Variants in NEGR1 observed in about 807,000 individuals in gnomAD.
NEGR1 encodes the protein IgLON family member 4.
Under a neutral mutation model 40.9 loss-of-function variants are expected in NEGR1, and 10 were observed. The observed-to-expected ratio is 0.24, with a 90% CI of 0.15 to 0.42. The LOEUF (loss-of-function observed/expected upper bound fraction) is 0.42. NEGR1 is among the 10% of genes least tolerant of loss of function. The probability of loss-of-function intolerance (pLI) is 1.00; values close to 1 mark genes in which losing one functional copy is unlikely to be tolerated. For synonymous variants in NEGR1, 185 were observed against 166.8 expected, an observed-to-expected ratio of 1.11 and a Z score of -0.84; for missense variants, 352 against 438.9, an observed-to-expected ratio of 0.80 and a Z score of 1.77.
intron 4 of NEGR1, among the ~76,000 whole-genome samples, chr1:71,644,702 G>T (rs944851189): frequency 2.6e-5 from 4 of 151,968 alleles, no homozygotes; most frequent in Admixed American, 6.6e-5. Flanking sequence ...CTACGGTAAG[G>T]ATTAAATAGG....
At chr1:71,709,390 T>A (rs1654006702) in intron 3 of NEGR1, among the ~76,000 whole-genome samples, 1 of 152,242 alleles carries the variant, frequency 6.6e-6, no homozygotes, top group Non-Finnish European at 1.5e-5. Flanking sequence ...TTTGCATTTA[T>A]CTAATGATTA....
chr1:71,975,843 A>G (rs546252921), intron 1 of NEGR1, among the ~76,000 whole-genome samples: 15 of 152,342 alleles, frequency 9.8e-5, no homozygotes, highest in Admixed American at 9.8e-4. Context: ...ACTTTTAATT[A>G]TTAGATTCAT....
chr1:72,074,189 T>C lies in NEGR1; in HGVS notation c.177-138878A>G, dbSNP rs186567537. On this transcript the variant is annotated intron_variant, in intron 1 of 6. Coordinates refer to ENST00000357731, the MANE Select transcript of NEGR1 (RefSeq NM_173808.3). The stretch of plus-strand genomic sequence containing the variant: ...GGATTTGATGAAATATGTTATTAGC[T>C]CCAAAACTGATAGAGGAAAAAACAG... Among the ~76,000 whole-genome samples, 210 of 152,092 alleles carry C rather than the reference T, an allele frequency of 1.4e-3. 1 individual carries two copies. In the East Asian group the frequency reaches 0.019, roughly 14 times the overall value.
At position 71,405,295 on chromosome 1, in the gene NEGR1, C is replaced by T. The variant is rs1646271529; in HGVS notation, c.*2151G>A. The T allele has an allele frequency of 3.9e-5, 6 of 152,182 alleles. No homozygotes were observed. The Admixed American group carries it at 3.9e-4, about 10-fold the overall frequency. 9.4% of individuals were successfully genotyped at this position (152,182 alleles called of 1,614,324 possible). A position where few individuals can be genotyped will look rare whatever the true frequency, so the allele number is the denominator to read the frequency against. On this transcript the variant is annotated 3_prime_UTR_variant, in exon 7 of 7. Transcript: ENST00000357731. Reference sequence around the variant, plus strand: ...AGGAAAGCGGTCACTGAATAATATGCATTCTTGATCTGTTTCTTTCTCCCA... The same window carrying T: ...AGGAAAGCGGTCACTGAATAATATGTATTCTTGATCTGTTTCTTTCTCCCA...
chr1:71,764,857 A>C (rs1402266725), intron 3 of NEGR1, among the ~76,000 whole-genome samples: 2 of 152,338 alleles, frequency 1.3e-5, no homozygotes, highest in East Asian at 1.9e-4. Context: ...AAATCAGAAA[A>C]ATAGTTGTTT....
At chr1:71,664,214 T>C (rs1016421369) in intron 4 of NEGR1, among the ~76,000 whole-genome samples, 4 of 152,184 alleles carry the variant, frequency 2.6e-5, no homozygotes, top group African/African-American at 9.6e-5. Flanking sequence ...AATTCTCTTC[T>C]TAGAATACAA....
At chr1:72,205,756 CAAAAAA>C (rs35490878) in intron 1 of NEGR1, among the ~76,000 whole-genome samples, 131 of 30,890 alleles carry the variant, frequency 4.2e-3, no homozygotes, top group Non-Finnish European at 7.2e-3. Context: ...CCCATTTCTA[CAAAAAA>C]AAAAAAAAAA....
At chr1:71,681,647 T>C (rs1175681187) in intron 4 of NEGR1, among the ~76,000 whole-genome samples, 1 of 152,218 alleles carries the variant, frequency 6.6e-6, no homozygotes, top group Non-Finnish European at 1.5e-5. Context: ...AAAATAAACC[T>C]GGAAAACTGA....
chr1:71,902,593 T>A (rs1661171198), intron 2 of NEGR1, among the ~76,000 whole-genome samples: 1 of 152,178 alleles, frequency 6.6e-6, no homozygotes, highest in Non-Finnish European at 1.5e-5. Flanking sequence ...ATTCACCCAA[T>A]TTATCATTTC....
chr1:71,535,073 T>C (rs1263531645), intron 6 of NEGR1, among the ~76,000 whole-genome samples: 1 of 151,700 alleles, frequency 6.6e-6, no homozygotes, highest in Non-Finnish European at 1.5e-5. Flanking sequence ...TAATACATCG[T>C]AATTTATAGA....
At chr1:71,989,856 T>G (rs887004902) in intron 1 of NEGR1, among the ~76,000 whole-genome samples, 1 of 152,208 alleles carries the variant, frequency 6.6e-6, no homozygotes, top group African/African-American at 2.4e-5. Flanking sequence ...ATTTTCTCAT[T>G]TATATACCAT....
intron 1 of NEGR1, among the ~76,000 whole-genome samples, chr1:72,091,035 AATG>A (rs1648468610): frequency 6.6e-6 from 1 of 152,264 alleles, no homozygotes; most frequent in African/African-American, 2.4e-5. Flanking sequence ...GCATCTGATA[AATG>A]ATGATTTTTC....
At chr1:71,952,767 G>C (rs1469558222) in intron 1 of NEGR1, among the ~76,000 whole-genome samples, 1 of 151,824 alleles carries the variant, frequency 6.6e-6, no homozygotes, top group Non-Finnish European at 1.5e-5. Flanking sequence ...TTGGGGACTA[G>C]TGTAACTGAT....
At chr1:71,723,538 C>T (rs1040229106) in intron 3 of NEGR1, among the ~76,000 whole-genome samples, 1 of 152,088 alleles carries the variant, frequency 6.6e-6, no homozygotes, top group African/African-American at 2.4e-5. Context: ...TCCAACAGGG[C>T]TCAGGGAGCT....
intron 2 of NEGR1, among the ~76,000 whole-genome samples, chr1:71,863,585 G>C (rs1456125172): frequency 6.6e-6 from 1 of 152,106 alleles, no homozygotes; most frequent in Admixed American, 6.6e-5. Context: ...TCCTGAACAC[G>C]TACCCTGGAA....
At chr1:71,957,481 C>T (rs2100288381) in intron 1 of NEGR1, among the ~76,000 whole-genome samples, 2 of 152,030 alleles carry the variant, frequency 1.3e-5, no homozygotes, top group South Asian at 4.1e-4. Context: ...TAAATAAAAA[C>T]CAATATTAGT....
At chr1:72,046,387 G>C (rs778245093) in intron 1 of NEGR1, among the ~76,000 whole-genome samples, 19 of 151,442 alleles carry the variant, frequency 1.3e-4, no homozygotes, top group Non-Finnish European at 2.8e-4. Context: ...TTGAGGAAAA[G>C]TATACAAAGA....
At chr1:71,502,752 G>A (rs1647007415) in intron 6 of NEGR1, among the ~76,000 whole-genome samples, 1 of 152,210 alleles carries the variant, frequency 6.6e-6, no homozygotes, top group Non-Finnish European at 1.5e-5. Flanking sequence ...ATGAGCTGAA[G>A]TAAGAAAATT....
rs929878695 is a variant in NEGR1 at position 71,666,598 on chromosome 1, A to G, written c.667+31410T>C. ...CCATGTCCATCGCTAAATATTTCAA[A>G]TCTGAACTGCAATTATATTGGGATT... On this transcript the variant is annotated intron_variant, in intron 4 of 6. Transcript: ENST00000357731. Among the ~76,000 whole-genome samples the G allele has an allele frequency of 8.5e-5, 13 of 152,170 alleles. 1 individual carries two copies. Among genetic ancestry groups the G allele is most frequent in the African/African-American group, 3.1e-4 (13 of 41,436 alleles).
Sources: gnomAD v4.1 joint callset for allele counts (sites outside exome capture counted in the v4.1 genomes callset) on GRCh38, gnomAD v4.1.1 for gene constraint, MANE v1.5 for transcripts, NCBI Gene and HGNC (gene_info 2026-07-23, HGNC 2026-07-21) for gene names.